The following VCF1 variants were observed in gnomAD, a reference collection of about 807,000 sequenced individuals.
VCF1 encodes VCP nuclear cofactor family member 1, also known as protein VCF1.
chr17:73,214,303 T>G, the VCF1 span, among the ~76,000 whole-genome samples: 332 of 138,234 alleles, frequency 2.4e-3, no homozygotes, highest in Middle Eastern at 0.015. Context: ...AATTGGTGGG[T>G]TACAACCAGC....
At chr17:73,207,874 C>A in the VCF1 span, 2 of 1,197,416 alleles carry the variant, frequency 1.7e-6, no homozygotes, top group Non-Finnish European at 2.1e-6. Flanking sequence ...TACCATCGAA[C>A]CCATTAAGAT....
chr17:73,208,491 A>G, the VCF1 span: 1 of 1,601,600 alleles, frequency 6.2e-7, no homozygotes, highest in Non-Finnish European at 8.5e-7. Flanking sequence ...AAATACTACC[A>G]CATTATTTCT....
At chr17:73,232,306 T>G in the VCF1 span, 2 of 1,576,734 alleles carry the variant, frequency 1.3e-6, no homozygotes, top group Non-Finnish European at 1.7e-6. Context: ...CGCCCCCCCA[T>G]GTCGCTGCCG....
At chr17:73,221,927 G>A in the VCF1 span, among the ~76,000 whole-genome samples, 15 of 151,392 alleles carry the variant, frequency 9.9e-5, no homozygotes, top group Non-Finnish European at 1.8e-4. Context: ...CCAGCTACTC[G>A]GGAGGCTGAG....
chr17:73,227,540 CA>C, the VCF1 span: 4 of 807,084 alleles, frequency 5.0e-6, no homozygotes, highest in East Asian at 3.1e-4. Flanking sequence ...GGGACTGAAA[CA>C]AGAACAGGAA....
the VCF1 span, chr17:73,209,659 G>A: frequency 6.4e-7 from 1 of 1,553,000 alleles, no homozygotes; most frequent in East Asian, 2.4e-5. Flanking sequence ...GTTAGGGCTG[G>A]ATCCGGCCAT....
the VCF1 span, chr17:73,227,223 G>T: frequency 6.3e-7 from 1 of 1,583,796 alleles, no homozygotes; most frequent in Non-Finnish European, 8.6e-7. Flanking sequence ...GGTCTGGGGG[G>T]GAAGATGGTT....
At chr17:73,231,137 C>T in the VCF1 span, among the ~76,000 whole-genome samples, 1 of 152,088 alleles carries the variant, frequency 6.6e-6, no homozygotes, top group Non-Finnish European at 1.5e-5. Flanking sequence ...ATCAATAATC[C>T]AATGCAGCAG....
chr17:73,231,619 A>C, the VCF1 span, among the ~76,000 whole-genome samples: 1 of 152,176 alleles, frequency 6.6e-6, no homozygotes, highest in Non-Finnish European at 1.5e-5. Flanking sequence ...TCTTCGGTCT[A>C]ACCGAATCTT....
chr17:73,210,131 A>G, the VCF1 span, among the ~76,000 whole-genome samples: 5 of 152,206 alleles, frequency 3.3e-5, no homozygotes, highest in East Asian at 9.6e-4. Context: ...CAACCAAAGA[A>G]GGCAGTTCTC....
At chr17:73,229,840 C>G in the VCF1 span, among the ~76,000 whole-genome samples, 1 of 104,030 alleles carries the variant, frequency 9.6e-6, no homozygotes, top group Non-Finnish European at 2.0e-5. Flanking sequence ...TGCACTCCAG[C>G]CTGGCCGACA....
chr17:73,208,613 T>C, the VCF1 span: 1 of 883,998 alleles, frequency 1.1e-6, no homozygotes, highest in Non-Finnish European at 1.8e-6. Flanking sequence ...ATCAAGTTAA[T>C]CCTTGTCCCA....
At chr17:73,222,791 A>AG in the VCF1 span, among the ~76,000 whole-genome samples, 2 of 36,790 alleles carry the variant, frequency 5.4e-5, no homozygotes, top group African/African-American at 1.9e-4. Context: ...AAAAAAAAAA[A>AG]GAAAAAAAAA....
the VCF1 span, among the ~76,000 whole-genome samples, chr17:73,223,743 A>G: frequency 1.4e-3 from 207 of 152,254 alleles, 1 homozygote; most frequent in African/African-American, 4.8e-3. Context: ...GAATTTGGCC[A>G]GGCCCAGTGG....
chr17:73,230,369 C>T, the VCF1 span, among the ~76,000 whole-genome samples: 18 of 151,666 alleles, frequency 1.2e-4, no homozygotes, highest in Non-Finnish European at 2.5e-4. Context: ...CACCTCTCTG[C>T]GGCTATCCAA....
the VCF1 span, among the ~76,000 whole-genome samples, chr17:73,224,875 G>GACAGGACAGC: frequency 3.3e-3 from 149 of 45,122 alleles, 2 homozygotes; most frequent in African/African-American, 0.011. Flanking sequence ...CACAGGACAG[G>GACAGGACAGC]ACAGCACAGC....
chr17:73,231,519 A>G, the VCF1 span, among the ~76,000 whole-genome samples: 1 of 152,192 alleles, frequency 6.6e-6, no homozygotes, highest in Non-Finnish European at 1.5e-5. Flanking sequence ...TTTAGAATCC[A>G]GCTTGTTCTT....
the VCF1 span, chr17:73,232,069 G>A: frequency 6.3e-6 from 10 of 1,585,546 alleles, no homozygotes; most frequent in African/African-American, 1.3e-5. Flanking sequence ...ATGGAAAGGG[G>A]GTCCCTTCCC....
chr17:73,223,825 A>T, the VCF1 span, among the ~76,000 whole-genome samples: 11 of 151,804 alleles, frequency 7.2e-5, no homozygotes, highest in South Asian at 4.2e-4. Flanking sequence ...ACAAAAAATT[A>T]AAAAAATTAG....
Sources: gnomAD v4.1 joint callset for allele counts (sites outside exome capture counted in the v4.1 genomes callset) on GRCh38, gnomAD v4.1.1 for gene constraint, MANE v1.5 for transcripts, NCBI Gene and HGNC (gene_info 2026-07-23, HGNC 2026-07-21) for gene names.